Variants in SYT7 observed in about 807,000 individuals in gnomAD.
SYT7 encodes synaptotagmin 7.
SYT7 carries 29 observed loss-of-function variants against 75.1 expected under a neutral mutation model. The observed-to-expected ratio is 0.39, with a 90% CI of 0.29 to 0.53. The LOEUF (loss-of-function observed/expected upper bound fraction) is 0.53, where lower values mean the gene tolerates loss of function less well. Ranked by LOEUF, SYT7 falls within the 20% of genes least tolerant of loss-of-function variation. SYT7 has a pLI of 0.77. For synonymous variants in SYT7, 376 were observed against 401.7 expected (o/e 0.94, Z 0.76); for missense variants, 693 against 953.2 (o/e 0.73, Z 3.59).
At chr11:61,587,354 A>G in the SYT7 span, among the ~76,000 whole-genome samples, 1 of 151,974 alleles carries the variant, frequency 6.6e-6, no homozygotes, top group Non-Finnish European at 1.5e-5. Context: ...GCGGGCCGTT[A>G]CTCTTCTTCC....
intron 9 of SYT7, among the ~76,000 whole-genome samples, chr11:61,526,890 C>T (rs561975401): frequency 3.9e-5 from 6 of 152,182 alleles, no homozygotes; most frequent in African/African-American, 1.4e-4. Flanking sequence ...GCTGGGAAGG[C>T]AGGTGGGGAA....
At chr11:61,556,235 C>T in intron 1 of SYT7, 28 bp from the exon 2 acceptor site, 1 of 1,592,164 alleles carries the variant, frequency 6.3e-7, no homozygotes. Flanking sequence ...AGGTCACACC[C>T]TCATTGGCCA....
intron 9 of SYT7, among the ~76,000 whole-genome samples, 168 bp downstream of exon 9, chr11:61,527,746 TG>T (rs1170715372): frequency 6.6e-6 from 1 of 151,852 alleles, no homozygotes; most frequent in African/African-American, 2.4e-5. Context: ...TGTGCACACA[TG>T]CAGGTGTGCA....
In SYT7 at chr11:61,550,002, G is replaced by A. The variant is rs539238384; in HGVS notation, c.215+1382C>T. On this transcript the variant is annotated intron_variant, in intron 3 of 12. Coordinates refer to ENST00000539008, the MANE Select transcript of SYT7 (RefSeq NM_001365809.2). ...GCTGTAAACGGCCTGTCCTGGAGGA[G>A]GCACAGGTGCTGGGCTGGCCACGCT... Among the ~76,000 whole-genome samples, 24 of 152,304 alleles carry A rather than the reference G, an allele frequency of 1.6e-4. No homozygotes were observed. In the South Asian group the frequency reaches 4.3e-3, roughly 28 times the overall value.
chr11:61,533,548 C>T (rs1208128863), intron 7 of SYT7: 17 of 985,316 alleles, frequency 1.7e-5, no homozygotes, highest in Non-Finnish European at 2.0e-5. Flanking sequence ...AGGTGCCTCT[C>T]CGCGTCATTA....
At chr11:61,521,576 G>A (rs1166330529) in intron 12 of SYT7, among the ~76,000 whole-genome samples, 2 of 152,166 alleles carry the variant, frequency 1.3e-5, no homozygotes, top group Non-Finnish European at 2.9e-5. Context: ...TGGCAAGCAG[G>A]GGAAGCTCTC....
At chr11:61,585,837 G>A (rs890905112), upstream of SYT7, among the ~76,000 whole-genome samples, 2 of 152,044 alleles carry the variant, frequency 1.3e-5, no homozygotes, top group African/African-American at 4.8e-5. Context: ...ACTCGAACTC[G>A]GGTCCTACCT....
In SYT7 at chr11:61,577,473, C is replaced by A. The variant is rs149058335; in HGVS notation, c.31+3317G>T. Among the ~76,000 whole-genome samples the A allele has an allele frequency of 2.2e-3, 333 of 152,340 alleles. 2 individuals are homozygous for A. Among genetic ancestry groups the A allele is most frequent in the African/African-American group, 7.6e-3 (317 of 41,580 alleles). On this transcript the variant is annotated intron_variant, in intron 1 of 12. Coordinates refer to ENST00000539008, the MANE Select transcript of SYT7 (RefSeq NM_001365809.2). ...CCACACTCCAGCCCTGGCCTCTAACCCAGGTGTTCCTCAGGGCATACCCTT... is the reference window on the plus strand; with the variant it reads ...CCACACTCCAGCCCTGGCCTCTAACACAGGTGTTCCTCAGGGCATACCCTT...
chr11:61,517,276 C>T lies in SYT7; in HGVS notation c.*1351G>A. 1 of 398,688 alleles carries T rather than the reference C, an allele frequency of 2.5e-6. No individual in the cohort carries two copies. The highest frequency in any genetic ancestry group is 4.4e-6 in the Non-Finnish European group (1 of 226,112). The allele number at this position is 398,688 out of a possible 1,614,324, so 24.7% of individuals were successfully genotyped here. ...TCCAAGGGGAAGCCAGTTTTAGTCTCATCAGTGGCCGAGGCAGAGAAACCA... is the reference window on the plus strand; with the variant it reads ...TCCAAGGGGAAGCCAGTTTTAGTCTTATCAGTGGCCGAGGCAGAGAAACCA... On this transcript the variant is annotated 3_prime_UTR_variant, in exon 13 of 13. Transcript: ENST00000539008.
chr11:61,527,049 T>C (rs2062541594), intron 9 of SYT7, among the ~76,000 whole-genome samples: 1 of 152,160 alleles, frequency 6.6e-6, no homozygotes. Flanking sequence ...GGCCCTGGGA[T>C]AGAAATCACT....
intron 8 of SYT7, 77 bp from the exon 9 acceptor site, chr11:61,528,262 G>T: frequency 6.5e-7 from 1 of 1,544,014 alleles, no homozygotes; most frequent in African/African-American, 1.4e-5. Context: ...GCTAGCACGG[G>T]TGAGAGGCCA....
At position 61,514,832 on chromosome 11, in the gene SYT7, G is replaced by C. The variant is rs2062113060; in HGVS notation, c.*3795C>G. ...GCCGCAGGTCCAGCCAACAGACACA[G>C]AGCTCATTGTCTTTCCTTTTCCCAC... On this transcript the variant is annotated 3_prime_UTR_variant, in exon 13 of 13. Coordinates refer to ENST00000539008, the MANE Select transcript of SYT7 (RefSeq NM_001365809.2). Among the ~76,000 whole-genome samples, 1 of 152,198 alleles carries C rather than the reference G, an allele frequency of 6.6e-6. No homozygotes were observed. The highest frequency in any genetic ancestry group is 2.4e-5 in the African/African-American group (1 of 41,444).
intron 8 of SYT7, among the ~76,000 whole-genome samples, chr11:61,528,845 C>G (rs2062612721): frequency 6.6e-6 from 1 of 152,120 alleles, no homozygotes; most frequent in Non-Finnish European, 1.5e-5. Context: ...GCCTGGGCAT[C>G]AGTGCTGTGT....
In SYT7 at chr11:61,538,139, C is replaced by G. The variant is rs150058622; in HGVS notation, c.1064+5G>C. 1.3e-6 allele frequency: 2 copies of G among 1,535,836 alleles called. No individual in the cohort carries two copies. The highest frequency in any genetic ancestry group is 1.7e-6 in the Non-Finnish European group (2 of 1,146,798). On this transcript the variant is annotated splice_donor_5th_base_variant and intron_variant, in intron 7 of 12. Coordinates refer to ENST00000539008, the MANE Select transcript of SYT7 (RefSeq NM_001365809.2). ...GCCGCCGCAGGCCCTCGCCTGTGCTCGTACCTCTTGTCCCCCTGAGCGTTC... is the reference window on the plus strand; with the variant it reads ...GCCGCCGCAGGCCCTCGCCTGTGCTGGTACCTCTTGTCCCCCTGAGCGTTC...
the SYT7 span, among the ~76,000 whole-genome samples, chr11:61,587,827 G>A: frequency 6.6e-6 from 1 of 152,216 alleles, no homozygotes; most frequent in Admixed American, 6.5e-5. Flanking sequence ...GTGCGCGGAG[G>A]GGGTGCCGCG....
At position 61,580,691 on chromosome 11, in the gene SYT7, G is replaced by A. The variant is rs962046494; in HGVS notation, c.31+99C>T. ...TGGGGGAGCCCGTGCGGCTCCGGGC[G>A]GACAACAGCCCCAGGCTGGGGCTCC... On this transcript the variant is annotated intron_variant, in intron 1 of 12. Transcript: ENST00000539008. This position sits in a 1 kb window ranked among gnomAD's most constrained non-coding sequence, Gnocchi z 6.1. 43 of 833,742 alleles carry A rather than the reference G, an allele frequency of 5.2e-5. No individual in the cohort carries two copies. Among genetic ancestry groups the A allele is most frequent in the African/African-American group, 1.4e-4 (8 of 55,828 alleles). 51.6% of individuals were successfully genotyped at this position (833,742 alleles called of 1,614,324 possible).
rs1272223861 is a variant in SYT7, at chr11:61,546,781, A to G, written c.347+396T>C. 1 of 387,494 alleles carries G rather than the reference A, an allele frequency of 2.6e-6. No individual in the cohort carries two copies. The highest frequency in any genetic ancestry group is 5.0e-6 in the Non-Finnish European group (1 of 198,628). 24.0% of individuals were successfully genotyped at this position (387,494 alleles called of 1,614,324 possible). A position where few individuals can be genotyped will look rare whatever the true frequency, so the allele number is the denominator to read the frequency against. ...ACGAACCACCGACCACCGACCACCG[A>G]CCACCGAGCAGCCACGGCAGCACAC... On this transcript the variant is annotated intron_variant, in intron 4 of 12. Transcript: ENST00000539008. The surrounding 1 kb of genome is among the most constrained non-coding windows in gnomAD (Gnocchi z 7.6).
rs1168708370 is a variant in SYT7, at chr11:61,546,671, A to G, written c.348-416T>C. The G allele has an allele frequency of 6.5e-6, 3 of 462,062 alleles. No homozygotes were observed. Among genetic ancestry groups the G allele is most frequent in the African/African-American group, 6.0e-5 (3 of 50,226 alleles). 28.6% of individuals were successfully genotyped at this position (462,062 alleles called of 1,614,324 possible). On this transcript the variant is annotated intron_variant, in intron 4 of 12. Coordinates refer to ENST00000539008, the MANE Select transcript of SYT7 (RefSeq NM_001365809.2). This position sits in a 1 kb window ranked among gnomAD's most constrained non-coding sequence, Gnocchi z 7.6. ...GGAGGAAGAGCGGGCTGTCCAGGCCAGGAGGCCCCAAGGCAGGGAGAAAGA... is the reference window on the plus strand; with the variant it reads ...GGAGGAAGAGCGGGCTGTCCAGGCCGGGAGGCCCCAAGGCAGGGAGAAAGA...
rs572825349 is a variant in SYT7, at chr11:61,514,491, T to A, written c.*4136A>T. ...GGGCAGGGGCCAGCAGGTGGACACA[T>A]GACAATGGGGATGTGCTCGTTCCTT... On this transcript the variant is annotated 3_prime_UTR_variant, in exon 13 of 13. Coordinates refer to ENST00000539008, the MANE Select transcript of SYT7 (RefSeq NM_001365809.2). Among the ~76,000 whole-genome samples the A allele has an allele frequency of 6.6e-6, 1 of 152,160 alleles. No homozygotes were observed. Among genetic ancestry groups the A allele is most frequent in the East Asian group, 1.9e-4 (1 of 5,198 alleles).
Sources: gnomAD v4.1 joint callset for allele counts (sites outside exome capture counted in the v4.1 genomes callset) on GRCh38, gnomAD v4.1.1 for gene constraint, Gnocchi (gnomAD v3.1) non-coding constraint, MANE v1.5 for transcripts, NCBI Gene and HGNC (gene_info 2026-07-23, HGNC 2026-07-21) for gene names.